Variants in WDR20 observed in about 807,000 individuals in gnomAD.
WDR20 encodes the protein WD repeat-containing protein 20.
In WDR20, 3 loss-of-function variants were observed where a neutral mutation model predicts 38.7. That is an observed-to-expected ratio of 0.08 (90% CI 0.04 to 0.20). WDR20 has a LOEUF of 0.20. Ranked by LOEUF, WDR20 falls within the 10% of genes least tolerant of loss-of-function variation. The pLI is 1.00. For synonymous variants in WDR20, 298 were observed against 285.6 expected, an observed-to-expected ratio of 1.04 and a Z score of -0.44; for missense variants, 559 against 727.7, an observed-to-expected ratio of 0.77 and a Z score of 2.67.
chr14:102,200,432 CAG>C (rs942296692), intron 2 of WDR20, among the ~76,000 whole-genome samples: 2 of 148,826 alleles, frequency 1.3e-5, no homozygotes, highest in African/African-American at 5.0e-5. Flanking sequence ...AAGCACCCCA[CAG>C]GGGCGAGGAG....
In WDR20 at chr14:102,194,967, A is replaced by G; in HGVS notation, c.279A>G (p.Lys93=). 1 of 1,614,158 alleles carries G rather than the reference A, an allele frequency of 6.2e-7. No individual in the cohort carries two copies. Among genetic ancestry groups the G allele is most frequent in the Non-Finnish European group, 8.5e-7 (1 of 1,180,014 alleles). ...CTGACTTGAGTAAACCAATAGATAA[A>G]AGGATATACAAAGGAACACAGCCTA... ...KAADLSKPID[K]RIYKGTQPTC... is the part of the protein sequence containing the mutation. The change falls in exon 2 of 3, where the codon AAA becomes AAG. Residue 93 remains lysine (K), a synonymous_variant. Coordinates refer to ENST00000342702, the MANE Select transcript of WDR20 (RefSeq NM_144574.4).
At chr14:102,159,091 C>G (rs1344309878) in intron 1 of WDR20, among the ~76,000 whole-genome samples, 1 of 151,962 alleles carries the variant, frequency 6.6e-6, no homozygotes, top group African/African-American at 2.4e-5. Flanking sequence ...TAAAAGGGTG[C>G]ACCACCACAC....
intron 2 of WDR20, among the ~76,000 whole-genome samples, chr14:102,199,232 G>A (rs957834528): frequency 4.6e-5 from 7 of 151,676 alleles, no homozygotes; most frequent in South Asian, 2.1e-4. Context: ...ACCTCTCCTC[G>A]GTTGGAAAAT....
downstream of WDR20, among the ~76,000 whole-genome samples, chr14:102,218,980 G>C (rs1476196590): frequency 6.6e-6 from 1 of 152,208 alleles, no homozygotes; most frequent in Admixed American, 6.5e-5. Flanking sequence ...AAAGGAAGCA[G>C]AAGGACAGGG....
chr14:102,176,790 G>C (rs1473839224), intron 1 of WDR20, among the ~76,000 whole-genome samples: 1 of 151,914 alleles, frequency 6.6e-6, no homozygotes, highest in Non-Finnish European at 1.5e-5. Context: ...CTGGAGTGCA[G>C]TGGCGCCATC....
chr14:102,162,143 T>C (rs2058875628), intron 1 of WDR20, among the ~76,000 whole-genome samples: 2 of 152,230 alleles, frequency 1.3e-5, no homozygotes, highest in South Asian at 4.1e-4. Context: ...CACTGAGGTC[T>C]TGCACTGGTC....
Position 102,207,393 on chromosome 14 carries a change from C to T in WDR20, c.433-1210C>T, listed in dbSNP as rs556482897. 1.7e-4 allele frequency among the ~76,000 whole-genome samples: 26 copies of T among 152,354 alleles called. No homozygotes were observed. The South Asian group carries it at 4.4e-3, about 25-fold the overall frequency. ...CTCTGTAAAGATGTAGCACACATGG[C>T]GGGCACATGGCCTCAAAGCCACCCT... On this transcript the variant is annotated intron_variant, in intron 2 of 2. Coordinates refer to ENST00000342702, the MANE Select transcript of WDR20 (RefSeq NM_144574.4). The surrounding 1 kb of genome is among the most constrained non-coding windows in gnomAD (Gnocchi z 5.0).
chr14:102,206,882 C>A (rs2061635863), intron 2 of WDR20, among the ~76,000 whole-genome samples: 1 of 152,092 alleles, frequency 6.6e-6, no homozygotes, highest in Admixed American at 6.5e-5. Flanking sequence ...CTCCCTCCAC[C>A]ATCAAAAAAA....
At chr14:102,169,282 T>C (rs1396304263) in intron 1 of WDR20, among the ~76,000 whole-genome samples, 1 of 152,216 alleles carries the variant, frequency 6.6e-6, no homozygotes, top group Non-Finnish European at 1.5e-5. Flanking sequence ...AGAAGCTTTC[T>C]CTTAGCCCTG....
chr14:102,211,447 A>G (rs1223208276), downstream of WDR20, among the ~76,000 whole-genome samples: 2 of 151,788 alleles, frequency 1.3e-5, no homozygotes, highest in East Asian at 3.9e-4. This position sits in a 1 kb window ranked among gnomAD's most constrained non-coding sequence, Gnocchi z 4.2. Flanking sequence ...CGGTGGCGCC[A>G]TCCACCCTGT....
At chr14:102,149,585 A>G (rs1056755964) in intron 1 of WDR20, among the ~76,000 whole-genome samples, 7 of 152,112 alleles carry the variant, frequency 4.6e-5, no homozygotes, top group Non-Finnish European at 8.8e-5. Context: ...TTTATTTCTG[A>G]TTGAGCGTAA....
chr14:102,164,171 C>T (rs146957074), intron 1 of WDR20, among the ~76,000 whole-genome samples: 12 of 152,278 alleles, frequency 7.9e-5, no homozygotes, highest in African/African-American at 2.9e-4. Context: ...ATTTGCCACT[C>T]CTGGCATCCC....
intron 1 of WDR20, among the ~76,000 whole-genome samples, chr14:102,155,937 A>AT (rs372247826): frequency 0.022 from 2,997 of 133,260 alleles, 45 homozygotes; most frequent in East Asian, 0.091. Flanking sequence ...CTAATTTTTA[A>AT]TTTTTTTTTT....
upstream of WDR20, chr14:102,139,637 T>A (rs557795595): frequency 1.0e-4 from 67 of 643,540 alleles, no homozygotes; most frequent in African/African-American, 1.2e-3. Flanking sequence ...CCCCACTAGC[T>A]GAAGCCGGCA....
In WDR20 at chr14:102,195,945, C is replaced by T. The variant is rs1169943975; in HGVS notation, c.432+825C>T. 3.3e-5 allele frequency: 5 copies of T among 152,218 alleles called. No homozygotes were observed. In the East Asian group the frequency reaches 9.6e-4, roughly 29 times the overall value. The allele number at this position is 152,218 out of a possible 1,614,324, so 9.4% of individuals were successfully genotyped here. Reference sequence around the variant, plus strand: ...TAGAAGCCCTGGGTTCCAATCTCTACTTGGGACCTTGCCCCTGAGGCGCAA... The same window carrying T: ...TAGAAGCCCTGGGTTCCAATCTCTATTTGGGACCTTGCCCCTGAGGCGCAA... On this transcript the variant is annotated intron_variant, in intron 2 of 2. Coordinates refer to ENST00000342702, the MANE Select transcript of WDR20 (RefSeq NM_144574.4).
chr14:102,173,770 C>A (rs1040060852), intron 1 of WDR20, among the ~76,000 whole-genome samples: 1 of 152,006 alleles, frequency 6.6e-6, no homozygotes, highest in Non-Finnish European at 1.5e-5. Flanking sequence ...ACTAGCCGGG[C>A]GAGGTGATTC....
At chr14:102,142,495 C>T (rs748568893) in intron 1 of WDR20, among the ~76,000 whole-genome samples, 2 of 152,106 alleles carry the variant, frequency 1.3e-5, no homozygotes, top group Non-Finnish European at 1.5e-5. Context: ...ATCCTGTTGC[C>T]TAGGCTGGAG....
At chr14:102,223,438 G>A (rs568407728) in exon 4 of WDR20, 1 of 152,844 alleles carries the variant, frequency 6.5e-6, no homozygotes, top group South Asian at 2.1e-4. Context: ...TTACTTTGCA[G>A]ATGGGTGTAA....
intron 1 of WDR20, among the ~76,000 whole-genome samples, chr14:102,163,370 G>A (rs1213012): frequency 0.66 from 100,228 of 151,858 alleles, 36,437 homozygotes; most frequent in East Asian, 0.92. Flanking sequence ...GCTCACGCCT[G>A]TAATCCCAGC....
Sources: gnomAD v4.1 joint callset for allele counts (sites outside exome capture counted in the v4.1 genomes callset) on GRCh38, gnomAD v4.1.1 for gene constraint, Gnocchi (gnomAD v3.1) non-coding constraint, MANE v1.5 for transcripts, NCBI Gene and HGNC (gene_info 2026-07-23, HGNC 2026-07-21) for gene names.